PTGIR: variants seen among roughly 807,000 people sequenced by gnomAD.
The protein encoded by PTGIR is prostaglandin I2 receptor, also known as prostacyclin receptor.
In PTGIR, 16 loss-of-function variants were observed where a neutral mutation model predicts 17.6. That is an observed-to-expected ratio of 0.91 (90% CI 0.61 to 1.38). The LOEUF (loss-of-function observed/expected upper bound fraction) is 1.38. Ranked by LOEUF, PTGIR falls within the 40% of genes most tolerant of loss-of-function variation. The pLI is 0.00. For missense variants in PTGIR, 532 were observed against 548.6 expected, an observed-to-expected ratio of 0.97 and a Z score of 0.30; for synonymous variants, 274 against 255.4, an observed-to-expected ratio of 1.07 and a Z score of -0.69.
downstream of PTGIR, among the ~76,000 whole-genome samples, chr19:46,619,547 A>AAGAAAGAAAGAAAG (rs775594524): frequency 4.6e-5 from 4 of 87,816 alleles, no homozygotes; most frequent in Non-Finnish European, 7.2e-5. Context: ...GAAAGAAAGA[A>AAGAAAGAAAGAAAG]AGAGAGAGAG....
At chr19:46,619,529 GAAAGAA>G (rs1972012491), downstream of PTGIR, among the ~76,000 whole-genome samples, 1 of 49,902 alleles carries the variant, frequency 2.0e-5, no homozygotes, top group South Asian at 9.3e-4. Context: ...AAGAAAGAAA[GAAAGAA>G]AGAAAGAAAG....
At chr19:46,618,356 G>T (rs1027252963), downstream of PTGIR, among the ~76,000 whole-genome samples, 9 of 151,806 alleles carry the variant, frequency 5.9e-5, no homozygotes, top group Non-Finnish European at 1.3e-4. Context: ...CACCATGTTG[G>T]CCAGGCTGGT....
rs201197990 is a variant in PTGIR at position 46,623,606 on chromosome 19, G to T, written c.620C>A (p.Thr207Asn). Residue 207 changes from threonine (T) to asparagine (N), a missense_variant, in exon 2 of 3, where the codon ACC becomes AAC. Thr to Asn is a moderately conservative substitution (Grantham distance 65). Transcript: ENST00000291294. Reference protein sequence around the residue: ...AAIFLCNGSVTLSLCRMYRQQ... With the variant: ...AAIFLCNGSVNLSLCRMYRQQ... Reference sequence around the variant, plus strand: ...GCGGTACATGCGGCAGAGGCTGAGGGTGACCGAGCCGTTGCAGAGGAAGAT... The same window carrying T: ...GCGGTACATGCGGCAGAGGCTGAGGTTGACCGAGCCGTTGCAGAGGAAGAT... 3.9e-6 allele frequency: 6 copies of T among 1,549,334 alleles called. No individual in the cohort carries two copies. Among genetic ancestry groups the T allele is most frequent in the Non-Finnish European group, 2.6e-6 (3 of 1,147,562 alleles).
downstream of PTGIR, among the ~76,000 whole-genome samples, chr19:46,619,600 GAAAGGAAA>G (rs778943534): frequency 1.3e-4 from 13 of 101,644 alleles, no homozygotes; most frequent in Non-Finnish European, 2.3e-4. Context: ...AGAAAAGAAA[GAAAGGAAA>G]GAAAGAAAGA....
the PTGIR span, among the ~76,000 whole-genome samples, chr19:46,613,565 C>G: frequency 4.6e-5 from 7 of 152,048 alleles, no homozygotes; most frequent in African/African-American, 1.7e-4. Flanking sequence ...CTCCTGAGCT[C>G]AGGCAGTCCG....
At chr19:46,614,944 C>A in the PTGIR span, among the ~76,000 whole-genome samples, 2 of 152,160 alleles carry the variant, frequency 1.3e-5, no homozygotes, top group Non-Finnish European at 2.9e-5. Context: ...ATTGTTTGAA[C>A]CCAGGGGGCA....
At position 46,621,851 on chromosome 19, in the gene PTGIR, G is replaced by A. The variant is rs2052732137; in HGVS notation, c.769-179C>T. The A allele has an allele frequency of 5.8e-6, 8 of 1,382,242 alleles. No individual in the cohort carries two copies. The highest frequency in any genetic ancestry group is 1.8e-5 in the South Asian group (1 of 55,136). 85.6% of individuals were successfully genotyped at this position (1,382,242 alleles called of 1,614,324 possible). A position where few individuals can be genotyped will look rare whatever the true frequency, so the allele number is the denominator to read the frequency against. On this transcript the variant is annotated intron_variant, in intron 2 of 2. Coordinates refer to ENST00000291294, the MANE Select transcript of PTGIR (RefSeq NM_000960.4). This position sits in a 1 kb window ranked among gnomAD's most constrained non-coding sequence, Gnocchi z 4.8. ...GGAACACAGGGAGAGAAAGCCCCAG[G>A]AAATTGCCAGAGATGCCTAAGGGGA... is the stretch of plus-strand genomic sequence containing the variant.
At chr19:46,610,751 A>G in the PTGIR span, 1 of 152,362 alleles carries the variant, frequency 6.6e-6, no homozygotes, top group Non-Finnish European at 1.5e-5. Context: ...ATATATATCA[A>G]TGTTTTCCAA....
the PTGIR span, among the ~76,000 whole-genome samples, chr19:46,615,426 G>A: frequency 2.6e-5 from 4 of 152,284 alleles, no homozygotes; most frequent in South Asian, 4.1e-4. Flanking sequence ...GGATACCGAG[G>A]GATGACTGTC....
chr19:46,616,483 G>A (rs920641964), downstream of PTGIR, among the ~76,000 whole-genome samples: 68 of 151,532 alleles, frequency 4.5e-4, no homozygotes, highest in African/African-American at 1.5e-3. Context: ...GCAGGTGCCC[G>A]CCACCACACC....
chr19:46,612,908 A>C, the PTGIR span, among the ~76,000 whole-genome samples: 1 of 152,094 alleles, frequency 6.6e-6, no homozygotes, highest in African/African-American at 2.4e-5. Flanking sequence ...CCACTTCAAT[A>C]AACTTGGAGC....
rs200299980 is a variant in PTGIR, at chr19:46,623,912, G to T, written c.314C>A (p.Ala105Glu). 6.2e-7 allele frequency: 1 copy of T among 1,606,618 alleles called. No homozygotes were observed. Among genetic ancestry groups the T allele is most frequent in the Non-Finnish European group, 8.5e-7 (1 of 1,176,420 alleles). The change falls in exon 2 of 3, where the codon GCG (alanine) becomes GAG (glutamate). Residue 105 changes from alanine to glutamate, a missense_variant. Ala to Glu is a moderately radical substitution (Grantham distance 107). Transcript: ENST00000291294. ...FAFAMTFFGL[A>E]SMLILFAMAV... Reference sequence around the variant, plus strand: ...CATGGCAAAGAGGATGAGCATGGACGCCAGGCCGAAGAAGGTCATGGCGAA... The same window carrying T: ...CATGGCAAAGAGGATGAGCATGGACTCCAGGCCGAAGAAGGTCATGGCGAA...
intron 1 of PTGIR, 69 bp from the exon 2 acceptor site, chr19:46,624,306 G>A (rs1005285042): frequency 2.2e-6 from 3 of 1,372,114 alleles, no homozygotes; most frequent in Non-Finnish European, 2.8e-6. Flanking sequence ...CCACTCAGAT[G>A]TCCCTGCTGG....
At chr19:46,618,588 C>T (rs1195632895), downstream of PTGIR, among the ~76,000 whole-genome samples, 1 of 152,216 alleles carries the variant, frequency 6.6e-6, no homozygotes, top group Non-Finnish European at 1.5e-5. Context: ...TGGGAATCAC[C>T]TCGCCCTGCC....
chr19:46,623,972 G>A lies in PTGIR; in HGVS notation c.254C>T (p.Ala85Val). 6.4e-7 allele frequency: 1 copy of A among 1,570,952 alleles called. No homozygotes were observed. The highest frequency in any genetic ancestry group is 8.6e-7 in the Non-Finnish European group (1 of 1,157,648). The change falls in exon 2 of 3, where the codon GCC becomes GTC. Residue 85 changes from alanine to valine, a missense_variant. By Grantham distance (64) the Ala-to-Val change is moderately conservative. Coordinates refer to ENST00000291294, the MANE Select transcript of PTGIR (RefSeq NM_000960.4). ...ATCGCACAGGGCGGGGCCGCCTCGG[G>A]CCAGGCCCAGCAGGGAGCTGTTGCG... ...YARNSSLLGLARGGPALCDAF... is the reference protein window; with the variant it reads ...YARNSSLLGLVRGGPALCDAF...
the PTGIR span, among the ~76,000 whole-genome samples, chr19:46,612,458 C>T: frequency 1.5e-4 from 23 of 152,304 alleles, no homozygotes; most frequent in African/African-American, 5.5e-4. Flanking sequence ...TCATCGGAGC[C>T]TTAAAGCAAC....
In PTGIR at chr19:46,623,466, GC is replaced by G; in HGVS notation, c.759del (p.Pro254LeufsTer138). ...LMTVVMAVCSLPLTIRCFTQA... is the reference protein window; with the variant it reads ...LMTVVMAVCSXPLTIRCFTQA... ...CTCCGGAGGGGACTCACCGTGAGAG[GC>G]AGGGAGCACACGGCCATGACCACTG... On this transcript the variant is annotated frameshift_variant, in exon 2 of 3. Coordinates refer to ENST00000291294, the MANE Select transcript of PTGIR (RefSeq NM_000960.4). LOFTEE classifies it low-confidence loss of function (END_TRUNC). The G allele has an allele frequency of 6.4e-7, 1 of 1,561,042 alleles. No homozygotes were observed. The highest frequency in any genetic ancestry group is 8.7e-7 in the Non-Finnish European group (1 of 1,150,438).
downstream of PTGIR, among the ~76,000 whole-genome samples, chr19:46,615,848 C>T (rs11673259): frequency 0.15 from 23,397 of 151,548 alleles, 2,051 homozygotes; most frequent in African/African-American, 0.24. Flanking sequence ...GTCGCCCAGG[C>T]TGGAGTGCAG....
downstream of PTGIR, among the ~76,000 whole-genome samples, chr19:46,619,845 G>A (rs1972033865): frequency 6.6e-6 from 1 of 152,118 alleles, no homozygotes; most frequent in African/African-American, 2.4e-5. Flanking sequence ...GGGGAACTGG[G>A]ACTGGCAGTG....
Sources: gnomAD v4.1 joint callset for allele counts (sites outside exome capture counted in the v4.1 genomes callset) on GRCh38, gnomAD v4.1.1 for gene constraint, Gnocchi (gnomAD v3.1) non-coding constraint, MANE v1.5 for transcripts, NCBI Gene and HGNC (gene_info 2026-07-23, HGNC 2026-07-21) for gene names.